The following MAP3K2 variants were observed in gnomAD, a reference collection of about 807,000 sequenced individuals.
MAP3K2 encodes mitogen-activated protein kinase kinase kinase 2.
Under a neutral mutation model 80.3 loss-of-function variants are expected in MAP3K2, and 24 were observed. The observed-to-expected ratio is 0.30, with a 90% CI of 0.22 to 0.42. The LOEUF (loss-of-function observed/expected upper bound fraction) is 0.42. Ranked by LOEUF, MAP3K2 falls within the 10% of genes least tolerant of loss-of-function variation. MAP3K2 has a pLI of 1.00. For missense variants in MAP3K2, 608 were observed against 750.1 expected (o/e 0.81, Z 2.21); for synonymous variants, 244 against 253.7 (o/e 0.96, Z 0.36).
chr2:127,373,215 T>C (rs1308955912), intron 1 of MAP3K2, among the ~76,000 whole-genome samples: 2 of 152,230 alleles, frequency 1.3e-5, no homozygotes, highest in Non-Finnish European at 2.9e-5. Context: ...GCAAGATTAT[T>C]CATTTTATGG....
At chr2:127,354,292 A>C (rs1686760747) in intron 1 of MAP3K2, among the ~76,000 whole-genome samples, 1 of 150,988 alleles carries the variant, frequency 6.6e-6, no homozygotes. Context: ...AAAAGAGTGC[A>C]TGCTGACTAC....
At position 127,370,362 on chromosome 2, in the gene MAP3K2, C is replaced by G. The variant is rs116755261; in HGVS notation, c.-66+17090G>C. On this transcript the variant is annotated intron_variant, in intron 1 of 16. Transcript: ENST00000682094. The stretch of plus-strand genomic sequence containing the variant: ...TGTTGTTCAGCCAGGGTCTGCGGGT[C>G]GGACCCGGAAGGTAGAGCCCTGTGT... Among the ~76,000 whole-genome samples the G allele has an allele frequency of 5.8e-3, 878 of 152,220 alleles. 9 individuals are homozygous for G. Among genetic ancestry groups the G allele is most frequent in the African/African-American group, 0.02 (832 of 41,516 alleles).
In MAP3K2 at chr2:127,335,938, C is replaced by T. The variant is rs372909032; in HGVS notation, c.196G>A (p.Glu66Lys). The T allele has an allele frequency of 1.7e-5, 27 of 1,570,750 alleles. 1 individual carries two copies. The highest frequency in any genetic ancestry group is 2.3e-5 in the Non-Finnish European group (26 of 1,154,708). ...ATTTTAGCTTTAGATCTCAGATCTT[C>T]CAGTTTAACTGGTCTGGGGAACTGA... ...ILQFPRPVKL[E>K]DLRSKAKIAF... The change falls in exon 5 of 17, where the codon GAA becomes AAA. Residue 66 changes from glutamate to lysine, a missense_variant. Glu to Lys is a moderately conservative substitution (Grantham distance 56). This residue lies in a region of MAP3K2 where 467 missense variants were observed against 521.9 expected (regional missense o/e 0.89). Coordinates refer to ENST00000682094, the MANE Select transcript of MAP3K2 (RefSeq NM_001371910.2).
intron 1 of MAP3K2, among the ~76,000 whole-genome samples, chr2:127,349,418 G>A (rs1686654383): frequency 6.6e-6 from 1 of 151,792 alleles, no homozygotes; most frequent in African/African-American, 2.4e-5. Flanking sequence ...CTCCTGCCTC[G>A]GCCTCTCAAA....
At chr2:127,373,135 G>A (rs1048210401) in intron 1 of MAP3K2, among the ~76,000 whole-genome samples, 1 of 152,182 alleles carries the variant, frequency 6.6e-6, no homozygotes, top group Non-Finnish European at 1.5e-5. Flanking sequence ...AAGGAATGCT[G>A]AACAGTCCTA....
Position 127,323,961 on chromosome 2 carries a change from T to C in MAP3K2, c.779A>G (p.Lys260Arg). Residue 260 changes from lysine to arginine, a missense_variant, in exon 11 of 17, where the codon AAA (lysine) becomes AGA (arginine). Around this residue, in one of 4 missense-constraint regions of MAP3K2, gnomAD observed 467 missense variants for 521.9 expected, o/e 0.89. Transcript: ENST00000682094. ...YDNPIFEKFGKGGTYPRRYHV... is the reference protein window; with the variant it reads ...YDNPIFEKFGRGGTYPRRYHV... The stretch of plus-strand genomic sequence containing the variant: ...ATACCTTCTTGGATATGTTCCTCCT[T>C]TTCCAAATTTCTCAAAGATAGGGTT... 1.3e-6 allele frequency: 2 copies of C among 1,562,318 alleles called. No homozygotes were observed. Among genetic ancestry groups the C allele is most frequent in the Non-Finnish European group, 1.7e-6 (2 of 1,144,972 alleles).
intron 1 of MAP3K2, among the ~76,000 whole-genome samples, chr2:127,350,675 A>C (rs889589887): frequency 1.3e-5 from 2 of 152,072 alleles, no homozygotes; most frequent in African/African-American, 4.8e-5. Context: ...CTAGTGGATG[A>C]AAAGTGTGAT....
chr2:127,332,190 T>C (rs983730527), intron 5 of MAP3K2, among the ~76,000 whole-genome samples: 1 of 152,236 alleles, frequency 6.6e-6, no homozygotes, highest in Non-Finnish European at 1.5e-5. Context: ...CCACCAATTA[T>C]GAAACATATT....
intron 1 of MAP3K2, among the ~76,000 whole-genome samples, chr2:127,358,054 A>G (rs1686824724): frequency 6.6e-6 from 1 of 152,246 alleles, no homozygotes; most frequent in African/African-American, 2.4e-5. Context: ...ACTACGAGAA[A>G]AAATGTACTA....
At chr2:127,327,517 C>T (rs559572226) in intron 7 of MAP3K2, among the ~76,000 whole-genome samples, 48 of 151,168 alleles carry the variant, frequency 3.2e-4, no homozygotes, top group African/African-American at 1.1e-3. Flanking sequence ...TCCATATACC[C>T]GTGCTTACAA....
At chr2:127,368,495 G>T (rs542042539) in intron 1 of MAP3K2, among the ~76,000 whole-genome samples, 7 of 151,418 alleles carry the variant, frequency 4.6e-5, no homozygotes, top group Non-Finnish European at 1.5e-5. Flanking sequence ...GGTGGCATGC[G>T]CCTGTAGTCC....
chr2:127,375,799 A>AT (rs1687142038), intron 1 of MAP3K2, among the ~76,000 whole-genome samples: 1 of 152,144 alleles, frequency 6.6e-6, no homozygotes, highest in Non-Finnish European at 1.5e-5. Flanking sequence ...AGCTTCTAAC[A>AT]ACGTGACTGC....
chr2:127,299,146 A>T lies in MAP3K2; in HGVS notation c.*8433T>A, dbSNP rs982053616. 11 of 152,166 alleles carry T rather than the reference A, an allele frequency of 7.2e-5. No homozygotes were observed. Among genetic ancestry groups the T allele is most frequent in the Non-Finnish European group, 1.5e-4 (10 of 68,018 alleles). 9.4% of individuals were successfully genotyped at this position (152,166 alleles called of 1,614,324 possible). ...CACACTGGTTCCTTTTAACATAATAAGCTTAGTGACATTCAACTTCAACAG... is the reference window on the plus strand; with the variant it reads ...CACACTGGTTCCTTTTAACATAATATGCTTAGTGACATTCAACTTCAACAG... On this transcript the variant is annotated 3_prime_UTR_variant, in exon 17 of 17. Coordinates refer to ENST00000682094, the MANE Select transcript of MAP3K2 (RefSeq NM_001371910.2).
In MAP3K2 at chr2:127,339,080, GAATTGT is replaced by G. The variant is rs1429809829; in HGVS notation, c.5-36_5-31del. Reference sequence around the variant, plus strand: ...GTAGTTTTGAAACAACACATACATAGAATTGTAATTGTGACATATATATCAACATGT... The same window carrying G: ...GTAGTTTTGAAACAACACATACATAGAATTGTGACATATATATCAACATGT... On this transcript the variant is annotated intron_variant, in intron 2 of 16. Coordinates refer to ENST00000682094, the MANE Select transcript of MAP3K2 (RefSeq NM_001371910.2). This position sits in a 1 kb window ranked among gnomAD's most constrained non-coding sequence, Gnocchi z 4.2. 1 of 1,328,220 alleles carries G rather than the reference GAATTGT, an allele frequency of 7.5e-7. No homozygotes were observed. The highest frequency in any genetic ancestry group is 1.1e-6 in the Non-Finnish European group (1 of 936,374). 82.3% of individuals were successfully genotyped at this position (1,328,220 alleles called of 1,614,324 possible).
chr2:127,378,041 T>C (rs750255694), intron 1 of MAP3K2: 1 of 256,792 alleles, frequency 3.9e-6, no homozygotes, highest in South Asian at 1.4e-4. Flanking sequence ...TAATAGATAC[T>C]AGAGGGAATA....
At chr2:127,314,057 T>C (rs1035938948) in intron 15 of MAP3K2, among the ~76,000 whole-genome samples, 2 of 152,164 alleles carry the variant, frequency 1.3e-5, no homozygotes, top group African/African-American at 4.8e-5. Flanking sequence ...CAGGTATGTT[T>C]TGTAGTATAG....
Position 127,310,775 on chromosome 2 carries a change from T to C in MAP3K2, c.1457-2013A>G, listed in dbSNP as rs1198709795. ...GATTATAAATCTAGTTTCCGTCTTT[T>C]ATAAATCATTTCTCTTCTCATTTTT... On this transcript the variant is annotated intron_variant, in intron 15 of 16. Coordinates refer to ENST00000682094, the MANE Select transcript of MAP3K2 (RefSeq NM_001371910.2). The surrounding 1 kb of genome is among the most constrained non-coding windows in gnomAD (Gnocchi z 4.8). 6.6e-6 allele frequency among the ~76,000 whole-genome samples: 1 copy of C among 152,188 alleles called. No homozygotes were observed. Among genetic ancestry groups the C allele is most frequent in the African/African-American group, 2.4e-5 (1 of 41,462 alleles).
At chr2:127,362,660 G>T (rs1476083790) in intron 1 of MAP3K2, among the ~76,000 whole-genome samples, 1 of 152,106 alleles carries the variant, frequency 6.6e-6, no homozygotes, top group Non-Finnish European at 1.5e-5. Context: ...CCCATAATTG[G>T]TTTACCAAAA....
rs10558890 is a variant in MAP3K2, at chr2:127,365,116, C to CAAAA, written c.-65-21926_-65-21923dup. Among the ~76,000 whole-genome samples the CAAAA allele has an allele frequency of 1.1e-3, 34 of 31,656 alleles. 10 individuals carry two copies. The highest frequency in any genetic ancestry group is 1.1e-3 in the African/African-American group (10 of 8,786). 20.8% of individuals were successfully genotyped at this position (31,656 alleles called of 152,430 possible). A position where few individuals can be genotyped will look rare whatever the true frequency, so the allele number is the denominator to read the frequency against. On this transcript the variant is annotated intron_variant, in intron 1 of 16. Coordinates refer to ENST00000682094, the MANE Select transcript of MAP3K2 (RefSeq NM_001371910.2). Reference sequence around the variant, plus strand: ...TGGGCGACAGAGTGAGACTCTGCCTCAAAAAAAAAAAAAAAAAAAAAAAAA... The same window carrying CAAAA: ...TGGGCGACAGAGTGAGACTCTGCCTCAAAAAAAAAAAAAAAAAAAAAAAAAAAAA...
Sources: gnomAD v4.1 joint callset for allele counts (sites outside exome capture counted in the v4.1 genomes callset) on GRCh38, gnomAD v4.1.1 for gene constraint, gnomAD v4.1.1 regional missense constraint, Gnocchi (gnomAD v3.1) non-coding constraint, MANE v1.5 for transcripts, NCBI Gene and HGNC (gene_info 2026-07-23, HGNC 2026-07-21) for gene names.